Variants in TENM3 observed in about 807,000 individuals in gnomAD.
The protein encoded by TENM3 is teneurin-3.
In TENM3, 63 loss-of-function variants were observed where a neutral mutation model predicts 255.1. That is an observed-to-expected ratio of 0.25 (90% confidence interval 0.20 to 0.30). The LOEUF (loss-of-function observed/expected upper bound fraction) is 0.30. TENM3 is among the 10% of genes least tolerant of loss of function. The probability of loss-of-function intolerance (pLI) is 1.00; values close to 1 mark genes in which losing one functional copy is unlikely to be tolerated. For missense variants in TENM3, 2,929 were observed against 3,461.1 expected (o/e 0.85, Z 3.86); for synonymous variants, 1,306 against 1,322.3 (o/e 0.99, Z 0.27).
the TENM3 span, among the ~76,000 whole-genome samples, chr4:181,924,921 T>C: frequency 1.3e-5 from 2 of 152,206 alleles, no homozygotes; most frequent in African/African-American, 2.4e-5. Context: ...TGTGGCAACA[T>C]AAAAATATTG....
chr4:182,606,619 C>T (rs1263850634), intron 4 of TENM3, among the ~76,000 whole-genome samples: 1 of 150,426 alleles, frequency 6.6e-6, no homozygotes, highest in Non-Finnish European at 1.5e-5. Flanking sequence ...AGCAGCATTA[C>T]AGTTTGGGTT....
At chr4:182,393,818 T>C (rs986692710) in intron 3 of TENM3, among the ~76,000 whole-genome samples, 18 of 152,186 alleles carry the variant, frequency 1.2e-4, no homozygotes, top group African/African-American at 4.1e-4. Context: ...ATCATAATAA[T>C]GATACCTCTA....
the TENM3 span, among the ~76,000 whole-genome samples, chr4:181,939,746 G>T: frequency 6.6e-6 from 1 of 152,224 alleles, no homozygotes; most frequent in Non-Finnish European, 1.5e-5. Context: ...AGGGTGAGTG[G>T]AGAATACCGC....
At chr4:182,075,412 A>C in the TENM3 span, among the ~76,000 whole-genome samples, 34 of 152,000 alleles carry the variant, frequency 2.2e-4, no homozygotes, top group East Asian at 1.2e-3. Flanking sequence ...GTTGGCCAGG[A>C]TGGTCTCGAT....
the TENM3 span, among the ~76,000 whole-genome samples, chr4:181,883,211 T>G: frequency 6.7e-6 from 1 of 148,420 alleles, no homozygotes; most frequent in South Asian, 2.2e-4. Context: ...TCTGACCGAA[T>G]TGTAAACTCC....
rs553224660 is a variant in TENM3, at chr4:182,660,088, A to G, written c.1111+6195A>G. The stretch of plus-strand genomic sequence containing the variant: ...CAAATATACAAAGGTGTAAACATAC[A>G]ATGGTGTATAGTACATAGTAAATGC... On this transcript the variant is annotated intron_variant, in intron 6 of 27. Coordinates refer to ENST00000511685, the MANE Select transcript of TENM3 (RefSeq NM_001080477.4). 1.2e-3 allele frequency among the ~76,000 whole-genome samples: 190 copies of G among 152,316 alleles called. 1 individual carries two copies. The Middle Eastern group carries it at 0.034, about 27-fold the overall frequency.
In TENM3 at chr4:182,543,762, ATTTT is replaced by A. The variant is rs577082994; in HGVS notation, c.512-57155_512-57152del. Among the ~76,000 whole-genome samples, 5 of 149,298 alleles carry A rather than the reference ATTTT, an allele frequency of 3.3e-5. 1 individual carries two copies. Among genetic ancestry groups the A allele is most frequent in the African/African-American group, 4.9e-5 (2 of 40,686 alleles). ...AAAGGATAATTTTCCAGAAAAGTAT[ATTTT>A]TTTTTTAGTTTGTGTCAGCTACTCT... On this transcript the variant is annotated intron_variant, in intron 3 of 27. Transcript: ENST00000511685.
rs774320702 is a variant in TENM3, at chr4:182,628,850, G to A, written c.949G>A (p.Val317Ile). Residue 317 changes from valine to isoleucine, a missense_variant, in exon 5 of 28, where the codon GTC becomes ATC. By Grantham distance (29) the Val-to-Ile change is conservative (BLOSUM62 3). Transcript: ENST00000511685. Reference protein sequence around the residue: ...WKCTALCAVGVSVLLAILLSY... With the variant: ...WKCTALCAVGISVLLAILLSY... ...ATGCACTGCACTGTGTGCCGTAGGG[G>A]TCTCGGTGCTCCTGGCAATACTCCT... 1.9e-6 allele frequency: 3 copies of A among 1,608,584 alleles called. No individual in the cohort carries two copies. Among genetic ancestry groups the A allele is most frequent in the Admixed American group, 1.7e-5 (1 of 59,304 alleles).
intron 3 of TENM3, among the ~76,000 whole-genome samples, chr4:182,517,382 T>C (rs1173800933): frequency 1.9e-5 from 2 of 103,254 alleles, no homozygotes; most frequent in African/African-American, 3.9e-5. Context: ...GTTCATTCTT[T>C]TTTTTTTTTT....
chr4:181,923,376 T>C, the TENM3 span, among the ~76,000 whole-genome samples: 1 of 152,098 alleles, frequency 6.6e-6, no homozygotes, highest in Non-Finnish European at 1.5e-5. Context: ...CAGAAAACTT[T>C]AGAGTTTGGA....
the TENM3 span, among the ~76,000 whole-genome samples, chr4:181,575,670 T>C: frequency 6.6e-6 from 1 of 152,242 alleles, no homozygotes; most frequent in African/African-American, 2.4e-5. Flanking sequence ...GTATGGAAGC[T>C]TTCTGAATCA....
chr4:181,993,805 T>C, the TENM3 span, among the ~76,000 whole-genome samples: 5 of 152,260 alleles, frequency 3.3e-5, no homozygotes, highest in Non-Finnish European at 4.4e-5. Context: ...AATAATTATA[T>C]ATATATGCAA....
At position 182,723,271 on chromosome 4, in the gene TENM3, A is replaced by G. The variant is rs78961824; in HGVS notation, c.2369-5694A>G. ...GATCCCAATCCAGAAATGAATGCAT[A>G]TTTCAGTTTGTTTCATGCATATTAC... On this transcript the variant is annotated intron_variant, in intron 13 of 27. Coordinates refer to ENST00000511685, the MANE Select transcript of TENM3 (RefSeq NM_001080477.4). Among the ~76,000 whole-genome samples the G allele has an allele frequency of 3.1e-3, 476 of 152,314 alleles. 1 individual carries two copies. Among genetic ancestry groups the G allele is most frequent in the African/African-American group, 0.011 (453 of 41,564 alleles).
At chr4:181,910,367 C>G in the TENM3 span, among the ~76,000 whole-genome samples, 3 of 151,680 alleles carry the variant, frequency 2.0e-5, no homozygotes, top group African/African-American at 7.3e-5. Flanking sequence ...GAGTTCAAGA[C>G]CAGCCTGGCC....
At chr4:181,791,708 G>A in the TENM3 span, among the ~76,000 whole-genome samples, 3 of 152,152 alleles carry the variant, frequency 2.0e-5, no homozygotes, top group African/African-American at 7.2e-5. Flanking sequence ...TACTAATTAA[G>A]TCCTAAACAA....
the TENM3 span, among the ~76,000 whole-genome samples, chr4:182,008,711 G>A: frequency 6.6e-6 from 1 of 151,900 alleles, no homozygotes; most frequent in Admixed American, 6.6e-5. Flanking sequence ...CCCATCTTCT[G>A]AAGCCTACTT....
At chr4:181,758,144 C>G in the TENM3 span, among the ~76,000 whole-genome samples, 1 of 152,126 alleles carries the variant, frequency 6.6e-6, no homozygotes, top group East Asian at 1.9e-4. Context: ...CCAGTGCTCT[C>G]CAGAATGTGA....
At chr4:182,526,507 G>A (rs575448993) in intron 3 of TENM3, among the ~76,000 whole-genome samples, 16 of 152,126 alleles carry the variant, frequency 1.1e-4, no homozygotes, top group African/African-American at 3.6e-4. Flanking sequence ...TCGTTGTCAG[G>A]TATAGACATG....
chr4:182,220,700 G>C (rs1755803524), intron 1 of TENM3, among the ~76,000 whole-genome samples: 1 of 152,156 alleles, frequency 6.6e-6, no homozygotes, highest in Non-Finnish European at 1.5e-5. Context: ...GTAGTCTTAT[G>C]ATTACATTAC....
Sources: allele counts gnomAD v4.1 joint callset (sites outside exome capture counted in the v4.1 genomes callset), GRCh38; gene constraint gnomAD v4.1.1; transcripts MANE v1.5; gene names NCBI Gene and HGNC (gene_info 2026-07-23, HGNC 2026-07-21).